The following SOX5 variants were observed in gnomAD, a reference collection of about 807,000 sequenced individuals.
SOX5 encodes transcription factor SOX-5.
In SOX5, 9 loss-of-function variants were observed where a neutral mutation model predicts 92.0. The ratio of observed to expected loss-of-function variants is 0.10; its 90% confidence interval spans 0.06 to 0.17. SOX5 has a LOEUF of 0.17. Among genes scored for constraint, SOX5 ranks in the 10% least tolerant of loss-of-function variants. The pLI is 1.00. For missense variants in SOX5, 642 were observed against 944.5 expected, an observed-to-expected ratio of 0.68 and a Z score of 4.20; for synonymous variants, 344 against 336.3, an observed-to-expected ratio of 1.02 and a Z score of -0.25.
chr12:24,273,885 G>A lies in SOX5; in HGVS notation c.-77+3331C>T, dbSNP rs369458453. Among the ~76,000 whole-genome samples, 16 of 152,152 alleles carry A rather than the reference G, an allele frequency of 1.1e-4. No individual in the cohort carries two copies. In the South Asian group the frequency reaches 1.7e-3, roughly 16 times the overall value. On this transcript the variant is annotated intron_variant, in intron 3 of 4. Transcript: ENST00000446891. ...TGTTATATGTAGGATATCTATTATT[G>A]TTTAGTCTAAAAACTTTCTAGTTTC... is the stretch of plus-strand genomic sequence containing the variant.
At chr12:24,075,696 A>C (rs1011440203) in intron 4 of SOX5, among the ~76,000 whole-genome samples, 11 of 152,200 alleles carry the variant, frequency 7.2e-5, no homozygotes, top group African/African-American at 2.7e-4. Context: ...CCCAAAGTTT[A>C]AATGCTCCTC....
At chr12:24,494,599 T>C (rs1171715020) in intron 1 of SOX5, among the ~76,000 whole-genome samples, 2 of 152,162 alleles carry the variant, frequency 1.3e-5, no homozygotes, top group African/African-American at 4.8e-5. Context: ...ACCCCCACCT[T>C]TACTCTTCCC....
In SOX5 at chr12:23,648,863, T is replaced by G. The variant is rs2081206457; in HGVS notation, c.932-7966A>C. 2.6e-5 allele frequency among the ~76,000 whole-genome samples: 4 copies of G among 152,176 alleles called. No homozygotes were observed. In the South Asian group the frequency reaches 8.3e-4, roughly 31 times the overall value. ...AAAGAAAAGACTGGCAGCAGGAATTTAAAAGACTACTACAGTTATTATATA... is the reference window on the plus strand; with the variant it reads ...AAAGAAAAGACTGGCAGCAGGAATTGAAAAGACTACTACAGTTATTATATA... On this transcript the variant is annotated intron_variant, in intron 7 of 14. Transcript: ENST00000451604.
intron 1 of SOX5, among the ~76,000 whole-genome samples, chr12:24,524,282 G>A (rs535951499): frequency 1.4e-4 from 22 of 152,292 alleles, no homozygotes; most frequent in Non-Finnish European, 2.8e-4. Context: ...GAGATAGCCT[G>A]TCATGGGACT....
intron 4 of SOX5, among the ~76,000 whole-genome samples, chr12:24,191,568 CCTACAGAGGTCAT>C (rs1448395531): frequency 2.0e-5 from 3 of 152,184 alleles, no homozygotes; most frequent in African/African-American, 7.2e-5. Context: ...CAGATACGTT[CCTACAGAGGTCAT>C]CTGCTACTTT....
At chr12:23,991,326 A>C (rs533184522) in intron 4 of SOX5, among the ~76,000 whole-genome samples, 15 of 151,872 alleles carry the variant, frequency 9.9e-5, no homozygotes, top group South Asian at 6.2e-4. Flanking sequence ...TTTCTTAAAA[A>C]AAAAACAACA....
Position 24,463,262 on chromosome 12 carries a change from A to G in SOX5, c.-250-94623T>C, listed in dbSNP as rs147976824. Reference sequence around the variant, plus strand: ...TTTTCCCTTTAAAATTTTTGCCCTAACTTTATAGAAAGCAACATTTGGGGC... The same window carrying G: ...TTTTCCCTTTAAAATTTTTGCCCTAGCTTTATAGAAAGCAACATTTGGGGC... On this transcript the variant is annotated intron_variant, in intron 1 of 4. Transcript: ENST00000446891. 7.2e-3 allele frequency among the ~76,000 whole-genome samples: 1,097 copies of G among 152,182 alleles called. 45 individuals carry two copies. The highest frequency in any genetic ancestry group is 0.059 in the Admixed American group (895 of 15,288).
chr12:24,541,120 G>A (rs2138802804), intron 1 of SOX5, among the ~76,000 whole-genome samples: 1 of 152,254 alleles, frequency 6.6e-6, no homozygotes, highest in Admixed American at 6.5e-5. Context: ...AGCTCACTGT[G>A]GGATTATGCA....
chr12:24,562,030 G>A (rs1414573038), intron 1 of SOX5, among the ~76,000 whole-genome samples: 1 of 152,238 alleles, frequency 6.6e-6, no homozygotes, highest in Non-Finnish European at 1.5e-5. Context: ...TCCCGTCTCC[G>A]GGTCGGGGTC....
intron 2 of SOX5, among the ~76,000 whole-genome samples, chr12:24,342,601 A>G (rs1055790387): frequency 4.6e-5 from 7 of 152,196 alleles, no homozygotes; most frequent in African/African-American, 7.2e-5. Context: ...ATAGATCCTT[A>G]AGATTTCTTA....
chr12:23,592,495 G>A (rs1039397498), intron 9 of SOX5, among the ~76,000 whole-genome samples: 3 of 152,124 alleles, frequency 2.0e-5, no homozygotes, highest in African/African-American at 7.2e-5. Context: ...AGCATCAAAA[G>A]ATACTATCTA....
intron 2 of SOX5, among the ~76,000 whole-genome samples, chr12:23,865,541 G>A (rs2096801506): frequency 6.6e-6 from 1 of 152,040 alleles, no homozygotes; most frequent in African/African-American, 2.4e-5. Context: ...TGGGCTTGGT[G>A]GCACGTGCCT....
chr12:23,663,720 CCTT>C (rs1427030636), intron 7 of SOX5, among the ~76,000 whole-genome samples: 1 of 151,588 alleles, frequency 6.6e-6, no homozygotes, highest in Non-Finnish European at 1.5e-5. Flanking sequence ...AAACAAAAAA[CCTT>C]CATGATTTAA....
At chr12:23,537,340 G>C (rs1300489730) in intron 13 of SOX5, among the ~76,000 whole-genome samples, 1 of 152,062 alleles carries the variant, frequency 6.6e-6, no homozygotes, top group African/African-American at 2.4e-5. Flanking sequence ...TATTTTCATA[G>C]ATGAGAAAAT....
intron 4 of SOX5, among the ~76,000 whole-genome samples, chr12:24,012,499 A>T (rs975419877): frequency 1.3e-5 from 2 of 152,212 alleles, no homozygotes; most frequent in Non-Finnish European, 2.9e-5. Flanking sequence ...TTCACAGTAG[A>T]TAATTTTAAA....
At chr12:23,877,230 CT>C (rs1044658744) in intron 2 of SOX5, among the ~76,000 whole-genome samples, 1 of 151,190 alleles carries the variant, frequency 6.6e-6, no homozygotes, top group African/African-American at 2.4e-5. Context: ...TTTTCTTTTC[CT>C]TTTTTTTGGA....
In SOX5 at chr12:24,508,692, A is replaced by G. The variant is rs539052979; in HGVS notation, c.-251+53637T>C. Among the ~76,000 whole-genome samples, 7 of 152,194 alleles carry G rather than the reference A, an allele frequency of 4.6e-5. No individual in the cohort carries two copies. The South Asian group carries it at 1.5e-3, about 32-fold the overall frequency. On this transcript the variant is annotated intron_variant, in intron 1 of 4. Transcript: ENST00000446891. ...AGGGCTGTGTCTATCATTATCTGGCACCTAGCATGGTGTGGGGCTATAATA... is the reference window on the plus strand; with the variant it reads ...AGGGCTGTGTCTATCATTATCTGGCGCCTAGCATGGTGTGGGGCTATAATA...
At chr12:24,153,564 G>A (rs1951868550) in intron 4 of SOX5, among the ~76,000 whole-genome samples, 1 of 152,068 alleles carries the variant, frequency 6.6e-6, no homozygotes, top group African/African-American at 2.4e-5. Context: ...CCCTATCTAT[G>A]TCCTGTTCTC....
At chr12:24,308,601 GACT>G (rs1948854590) in intron 2 of SOX5, among the ~76,000 whole-genome samples, 1 of 152,116 alleles carries the variant, frequency 6.6e-6, no homozygotes, top group South Asian at 2.1e-4. Context: ...AACACTACTA[GACT>G]GATGTCCTAT....
Sources: gnomAD v4.1 joint callset for allele counts (sites outside exome capture counted in the v4.1 genomes callset) on GRCh38, gnomAD v4.1.1 for gene constraint, MANE v1.5 for transcripts, NCBI Gene and HGNC (gene_info 2026-07-23, HGNC 2026-07-21) for gene names.